LRPPRC: variants seen among roughly 807,000 people sequenced by gnomAD.
The protein encoded by LRPPRC is leucine-rich PPR motif-containing protein, mitochondrial.
Under a neutral mutation model 180.3 loss-of-function variants are expected in LRPPRC, and 120 were observed. The observed-to-expected ratio is 0.67, with a 90% CI of 0.57 to 0.77. The LOEUF (loss-of-function observed/expected upper bound fraction) is 0.77, where lower values mean the gene tolerates loss of function less well. Ranked by LOEUF, LRPPRC falls within the 30% of genes least tolerant of loss-of-function variation. The pLI is 0.00. For synonymous variants in LRPPRC, 723 were observed against 600.0 expected, an observed-to-expected ratio of 1.21 and a Z score of -3.00; for missense variants, 2,012 against 1,657.2, an observed-to-expected ratio of 1.21 and a Z score of -3.72.
chr2:43,948,215 G>C lies in LRPPRC; in HGVS notation c.1843-16C>G. Reference sequence around the variant, plus strand: ...TTTTTACATTCTGTGAGAAGGGAAGGGAGGGGGGAAAAAACCTGAGTTTTA... The same window carrying C: ...TTTTTACATTCTGTGAGAAGGGAAGCGAGGGGGGAAAAAACCTGAGTTTTA... On this transcript the variant is annotated splice_polypyrimidine_tract_variant and intron_variant, in intron 17 of 37. Coordinates refer to ENST00000260665, the MANE Select transcript of LRPPRC (RefSeq NM_133259.4). The C allele has an allele frequency of 6.9e-7, 1 of 1,442,234 alleles. No individual in the cohort carries two copies. 89.3% of individuals were successfully genotyped at this position (1,442,234 alleles called of 1,614,324 possible). A position where few individuals can be genotyped will look rare whatever the true frequency, so the allele number is the denominator to read the frequency against.
intron 21 of LRPPRC, among the ~76,000 whole-genome samples, chr2:43,945,735 T>C (rs1672656766): frequency 6.6e-6 from 1 of 152,028 alleles, no homozygotes; most frequent in South Asian, 2.1e-4. Flanking sequence ...ACTTGAAAAA[T>C]CTAACAGGAT....
chr2:43,901,433 C>G lies in LRPPRC; in HGVS notation c.3456G>C (p.Lys1152Asn), dbSNP rs1421614319. ...VTRVIQALAM[K>N]GDVENIEVVQ... ...CTACTTCTATGTTTTCAACATCACC[C>G]TTCATGGCCAATGCCTGGATGACAC... The change falls in exon 32 of 38, where the codon AAG (lysine) becomes AAC (asparagine). Residue 1152 changes from lysine to asparagine, a missense_variant. Transcript: ENST00000260665. 1.2e-6 allele frequency: 2 copies of G among 1,613,558 alleles called. No individual in the cohort carries two copies.
chr2:43,993,652 T>C (rs145371172), intron 1 of LRPPRC, among the ~76,000 whole-genome samples: 1 of 151,316 alleles, frequency 6.6e-6, no homozygotes, highest in African/African-American at 2.4e-5. Flanking sequence ...GAGGGAACAA[T>C]CACTTCTTTA....
At chr2:43,944,951 T>TGTTTATAGGTTTTAC (rs959813297) in intron 22 of LRPPRC, among the ~76,000 whole-genome samples, 1 of 152,242 alleles carries the variant, frequency 6.6e-6, no homozygotes, top group East Asian at 1.9e-4. Flanking sequence ...TATTAGGTTA[T>TGTTTATAGGTTTTAC]GTTTATAGGT....
intron 12 of LRPPRC, among the ~76,000 whole-genome samples, chr2:43,962,054 C>T (rs1334541295): frequency 6.6e-6 from 1 of 152,154 alleles, no homozygotes; most frequent in African/African-American, 2.4e-5. Flanking sequence ...CTCAATACTA[C>T]TGAAATTCCA....
chr2:43,947,472 A>G (rs546164168), intron 19 of LRPPRC, 102 bp from the exon 20 acceptor site: 1 of 695,406 alleles, frequency 1.4e-6, no homozygotes, highest in African/African-American at 1.8e-5. Flanking sequence ...CTACCTTCCT[A>G]AATGTCATAA....
At chr2:43,954,698 C>T (rs577583906) in intron 14 of LRPPRC, among the ~76,000 whole-genome samples, 4 of 152,238 alleles carry the variant, frequency 2.6e-5, no homozygotes, top group East Asian at 1.9e-4. Context: ...AACACATATA[C>T]ATATGGACAT....
At chr2:43,908,229 G>C (rs992964362) in intron 30 of LRPPRC, among the ~76,000 whole-genome samples, 17 of 152,148 alleles carry the variant, frequency 1.1e-4, no homozygotes, top group African/African-American at 3.6e-4. Flanking sequence ...AATGTTAGCA[G>C]AGATTTAAAA....
chr2:43,929,674 C>G (rs1476600419), intron 25 of LRPPRC, among the ~76,000 whole-genome samples: 1 of 152,038 alleles, frequency 6.6e-6, no homozygotes, highest in Non-Finnish European at 1.5e-5. Flanking sequence ...ATATTTATCC[C>G]CATAGCTAGC....
At chr2:43,986,287 G>A (rs1395474293) in intron 1 of LRPPRC, among the ~76,000 whole-genome samples, 1 of 152,016 alleles carries the variant, frequency 6.6e-6, no homozygotes, top group Non-Finnish European at 1.5e-5. Flanking sequence ...ACACCACCAT[G>A]CCCGACTAAT....
At chr2:43,962,099 T>TTG in intron 12 of LRPPRC, among the ~76,000 whole-genome samples, 1 of 152,174 alleles carries the variant, frequency 6.6e-6, no homozygotes, top group Admixed American at 6.5e-5. Flanking sequence ...TGAGAATGAA[T>TTG]GTAACCAAAT....
chr2:43,973,458 A>G, intron 11 of LRPPRC, 149 bp downstream of exon 11: 1 of 681,446 alleles, frequency 1.5e-6, no homozygotes, highest in Non-Finnish European at 2.7e-6. Flanking sequence ...ATGCTTACAC[A>G]TAATACTTCA....
At chr2:43,977,408 G>GGCGCTCAC in intron 3 of LRPPRC, 132 bp from the exon 4 acceptor site, 3 of 684,940 alleles carry the variant, frequency 4.4e-6, no homozygotes, top group Admixed American at 4.3e-5. Context: ...TTGGCGCTCA[G>GGCGCTCAC]ACCTATCTAC....
intron 2 of LRPPRC, among the ~76,000 whole-genome samples, chr2:43,981,659 CA>C (rs1349961161): frequency 8.6e-4 from 118 of 137,468 alleles, no homozygotes; most frequent in South Asian, 9.1e-4. Flanking sequence ...TACTCCATCC[CA>C]AAAAAAAAAA....
chr2:43,979,911 A>C lies in LRPPRC; in HGVS notation c.384T>G (p.Arg128=), dbSNP rs1674228120. The change falls in exon 3 of 38, where the codon CGT becomes CGG. Residue 128 remains arginine (R), a synonymous_variant. Transcript: ENST00000260665. ...GTTCAGGCAAGAGAGAACCACAACT[A>C]CGTAGTAGAAGCAAGGCATGACTAC... ...LGGSHALLLL[R]SCGSLLPELK... 1 of 1,613,806 alleles carries C rather than the reference A, an allele frequency of 6.2e-7. No homozygotes were observed. Among genetic ancestry groups the C allele is most frequent in the East Asian group, 2.2e-5 (1 of 44,832 alleles).
intron 37 of LRPPRC, 106 bp downstream of exon 37, chr2:43,889,628 T>A: frequency 3.1e-6 from 3 of 974,870 alleles, no homozygotes; most frequent in Non-Finnish European, 4.9e-6. Context: ...TTCACAGAGA[T>A]CTAATCCTCA....
At chr2:43,951,733 G>A (rs1320037228) in intron 14 of LRPPRC, among the ~76,000 whole-genome samples, 1 of 152,126 alleles carries the variant, frequency 6.6e-6, no homozygotes. Flanking sequence ...TTTCGTGAAG[G>A]TTTAAAAATT....
At chr2:43,962,234 A>G (rs1673376656) in intron 12 of LRPPRC, among the ~76,000 whole-genome samples, 1 of 152,210 alleles carries the variant, frequency 6.6e-6, no homozygotes, top group South Asian at 2.1e-4. Context: ...AAAACATCTG[A>G]AAAAGTAAGA....
intron 1 of LRPPRC, among the ~76,000 whole-genome samples, chr2:43,988,099 G>A (rs947319103): frequency 3.3e-5 from 5 of 151,830 alleles, no homozygotes; most frequent in African/African-American, 9.7e-5. Context: ...AATAAGCCGG[G>A]CATGGTGGCA....
Sources: gnomAD v4.1 joint callset for allele counts (sites outside exome capture counted in the v4.1 genomes callset) on GRCh38, gnomAD v4.1.1 for gene constraint, MANE v1.5 for transcripts, NCBI Gene and HGNC (gene_info 2026-07-23, HGNC 2026-07-21) for gene names.